The following RBFOX1 variants were observed in gnomAD, a reference collection of about 807,000 sequenced individuals.
The protein encoded by RBFOX1 is RNA binding protein fox-1 homolog 1.
In RBFOX1, 8 loss-of-function variants were observed where a neutral mutation model predicts 57.7. The ratio of observed to expected loss-of-function variants is 0.14; its 90% CI spans 0.08 to 0.25. The LOEUF (loss-of-function observed/expected upper bound fraction) is 0.25. Among genes scored for constraint, RBFOX1 ranks in the 10% least tolerant of loss-of-function variants. The probability of loss-of-function intolerance (pLI) is 1.00; values close to 1 mark genes in which losing one functional copy is unlikely to be tolerated. For missense variants in RBFOX1, 611 were observed against 548.5 expected (o/e 1.11, Z -1.14); for synonymous variants, 326 against 222.4 (o/e 1.47, Z -4.15).
rs1248770957 is a variant in RBFOX1 at position 6,915,555 on chromosome 16, T to C, written c.-15-136502T>C. 2.5e-3 allele frequency among the ~76,000 whole-genome samples: 379 copies of C among 148,996 alleles called. 4 individuals carry two copies. The highest frequency in any genetic ancestry group is 9.1e-3 in the African/African-American group (367 of 40,286). On this transcript the variant is annotated intron_variant, in intron 3 of 15. Transcript: ENST00000550418. ...GTCCTCACCCCCACACCCCCCTTTTTTTTTTTTTTTTTTGACACAGTGTCT... is the reference window on the plus strand; with the variant it reads ...GTCCTCACCCCCACACCCCCCTTTTCTTTTTTTTTTTTTGACACAGTGTCT...
At chr16:7,479,460 G>A (rs1477963199) in intron 4 of RBFOX1, among the ~76,000 whole-genome samples, 1 of 152,140 alleles carries the variant, frequency 6.6e-6, no homozygotes, top group African/African-American at 2.4e-5. Flanking sequence ...TACAATGCTT[G>A]CCCTTTTCTC....
At chr16:7,159,086 C>G (rs73548670) in intron 4 of RBFOX1, among the ~76,000 whole-genome samples, 215 of 152,032 alleles carry the variant, frequency 1.4e-3, no homozygotes, top group African/African-American at 4.7e-3. Context: ...TCTATCATAT[C>G]AAGAATATTA....
chr16:7,531,950 C>T (rs1401082020), intron 5 of RBFOX1, among the ~76,000 whole-genome samples: 7 of 152,060 alleles, frequency 4.6e-5, no homozygotes, highest in Admixed American at 3.9e-4. Flanking sequence ...GTGAAAGAGG[C>T]CTTCATACCA....
chr16:5,551,570 TTC>T (rs1375167361), intron 2 of RBFOX1, among the ~76,000 whole-genome samples: 1 of 152,186 alleles, frequency 6.6e-6, no homozygotes, highest in Non-Finnish European at 1.5e-5. Context: ...GTGATGCCTG[TTC>T]TCTAGCAGCT....
intron 4 of RBFOX1, among the ~76,000 whole-genome samples, chr16:5,913,765 A>G (rs1012909301): frequency 6.6e-6 from 1 of 152,244 alleles, no homozygotes; most frequent in African/African-American, 2.4e-5. Context: ...CAAAATGCCA[A>G]TAATTGTGCA....
chr16:6,855,260 G>C (rs561300537), intron 3 of RBFOX1, among the ~76,000 whole-genome samples: 1 of 152,150 alleles, frequency 6.6e-6, no homozygotes, highest in Non-Finnish European at 1.5e-5. Context: ...GGGAGGGAGA[G>C]GGGGAAGGAG....
chr16:5,574,362 C>T (rs373291854), intron 2 of RBFOX1, among the ~76,000 whole-genome samples: 26 of 152,182 alleles, frequency 1.7e-4, no homozygotes, highest in Non-Finnish European at 2.6e-4. Context: ...CATCCAAGCC[C>T]GCCTTGCCAC....
chr16:7,651,745 T>G (rs748838867), intron 11 of RBFOX1, among the ~76,000 whole-genome samples: 6 of 152,222 alleles, frequency 3.9e-5, no homozygotes, highest in Non-Finnish European at 7.3e-5. Context: ...AGGAGTTGGT[T>G]GTGCTGGGTT....
chr16:6,900,024 T>C (rs1338143603), intron 3 of RBFOX1, among the ~76,000 whole-genome samples: 1 of 152,208 alleles, frequency 6.6e-6, no homozygotes, highest in African/African-American at 2.4e-5. Context: ...AGGATGCTCA[T>C]AGCATCAACT....
intron 1 of RBFOX1, among the ~76,000 whole-genome samples, chr16:5,253,744 T>C (rs1237770939): frequency 2.6e-5 from 4 of 152,240 alleles, no homozygotes; most frequent in African/African-American, 9.6e-5. Context: ...ATCCACATGT[T>C]CATTTGCTCT....
intron 3 of RBFOX1, among the ~76,000 whole-genome samples, chr16:5,606,926 C>G (rs1244723120): frequency 2.0e-5 from 3 of 152,122 alleles, no homozygotes; most frequent in Admixed American, 2.0e-4. Context: ...CCCCAGTGCT[C>G]CATAGTAGTT....
chr16:5,708,413 T>C (rs2051330940), intron 3 of RBFOX1, among the ~76,000 whole-genome samples: 1 of 152,230 alleles, frequency 6.6e-6, no homozygotes. Context: ...GGTTTTTCTC[T>C]CAAGCAGTAG....
At chr16:6,501,849 C>T (rs2095942147) in intron 2 of RBFOX1, among the ~76,000 whole-genome samples, 1 of 152,152 alleles carries the variant, frequency 6.6e-6, no homozygotes, top group Non-Finnish European at 1.5e-5. Flanking sequence ...TTTTCACACC[C>T]CTCTTAGGAC....
At chr16:7,622,337 A>T (rs1218567414) in intron 10 of RBFOX1, among the ~76,000 whole-genome samples, 1 of 152,224 alleles carries the variant, frequency 6.6e-6, no homozygotes, top group East Asian at 1.9e-4. Flanking sequence ...TCTAAGTTAA[A>T]GTTGAGCAGG....
At chr16:6,896,256 G>T (rs1411164374) in intron 3 of RBFOX1, among the ~76,000 whole-genome samples, 1 of 152,102 alleles carries the variant, frequency 6.6e-6, no homozygotes, top group East Asian at 1.9e-4. Context: ...GTTTGAGACT[G>T]TCTCAAAACA....
intron 3 of RBFOX1, among the ~76,000 whole-genome samples, chr16:6,787,256 A>T (rs889049460): frequency 2.0e-5 from 3 of 152,122 alleles, no homozygotes; most frequent in African/African-American, 4.8e-5. Flanking sequence ...TCCCTAACTG[A>T]TCGGCCCGTT....
chr16:6,971,188 A>G (rs1294018051), intron 3 of RBFOX1, among the ~76,000 whole-genome samples: 2 of 152,182 alleles, frequency 1.3e-5, no homozygotes, highest in Non-Finnish European at 2.9e-5. Context: ...AGTATCCGCT[A>G]TACAGAGATT....
intron 4 of RBFOX1, among the ~76,000 whole-genome samples, chr16:7,199,486 A>G (rs2087717943): frequency 6.6e-6 from 1 of 152,178 alleles, no homozygotes; most frequent in Admixed American, 6.5e-5. Context: ...AAGGTTTGGA[A>G]GTTTTAACAC....
At chr16:7,163,474 T>C (rs2078812233) in intron 4 of RBFOX1, among the ~76,000 whole-genome samples, 1 of 152,170 alleles carries the variant, frequency 6.6e-6, no homozygotes, top group Non-Finnish European at 1.5e-5. Context: ...CTTCACCCTC[T>C]GATCTGCCCA....
Sources: gnomAD v4.1 joint callset for allele counts (sites outside exome capture counted in the v4.1 genomes callset) on GRCh38, gnomAD v4.1.1 for gene constraint, MANE v1.5 for transcripts, NCBI Gene and HGNC (gene_info 2026-07-23, HGNC 2026-07-21) for gene names.